The following PLPP1 variants were observed in gnomAD, a reference collection of about 807,000 sequenced individuals.
The protein encoded by PLPP1 is phospholipid phosphatase 1.
A neutral mutation model predicts 31.2 loss-of-function variants in PLPP1; 24 were observed. The observed-to-expected ratio is 0.77, with a 90% CI of 0.56 to 1.08. PLPP1 has a LOEUF of 1.08. PLPP1 is among the 50% of genes least tolerant of loss of function. The pLI is 0.00. For missense variants in PLPP1, 319 were observed against 342.7 expected (o/e 0.93, Z 0.55); for synonymous variants, 146 against 126.3 (o/e 1.16, Z -1.05).
chr5:55,427,054 A>G (rs1751217370), intron 4 of PLPP1, among the ~76,000 whole-genome samples: 1 of 150,364 alleles, frequency 6.7e-6, no homozygotes, highest in South Asian at 2.2e-4. Flanking sequence ...GGTTTTATGT[A>G]GAAATGATTC....
At chr5:55,515,060 A>C (rs1258841509) in intron 1 of PLPP1, among the ~76,000 whole-genome samples, 3 of 152,242 alleles carry the variant, frequency 2.0e-5, no homozygotes, top group African/African-American at 7.2e-5. Flanking sequence ...AAGAAATTGA[A>C]GCTCTTTAGG....
rs1422000007 is a variant in PLPP1 at position 55,531,740 on chromosome 5, C to T, written c.58+2832G>A. Among the ~76,000 whole-genome samples the T allele has an allele frequency of 3.3e-5, 5 of 152,168 alleles. No homozygotes were observed. In the East Asian group the frequency reaches 7.7e-4, roughly 23 times the overall value. On this transcript the variant is annotated intron_variant, in intron 1 of 5. Transcript: ENST00000307259. Reference sequence around the variant, plus strand: ...AATATAACAGACTCCACCAGAAAGGCGCATTTGCTATATAACACGTGTCTT... The same window carrying T: ...AATATAACAGACTCCACCAGAAAGGTGCATTTGCTATATAACACGTGTCTT...
intron 1 of PLPP1, among the ~76,000 whole-genome samples, chr5:55,523,760 C>G (rs1315753362): frequency 6.6e-6 from 1 of 152,184 alleles, no homozygotes; most frequent in Non-Finnish European, 1.5e-5. Context: ...GCCCTCAACA[C>G]CTGCTCCTCC....
chr5:55,448,451 T>TTC (rs1466619106), intron 3 of PLPP1, among the ~76,000 whole-genome samples: 2 of 148,324 alleles, frequency 1.3e-5, no homozygotes, highest in African/African-American at 5.0e-5. Context: ...TCTAGCACCT[T>TTC]TTTTTTTTTT....
At chr5:55,491,189 G>A (rs1752881219) in intron 1 of PLPP1, 1 of 1,481,312 alleles carries the variant, frequency 6.8e-7, no homozygotes, top group Non-Finnish European at 9.1e-7. Flanking sequence ...TCTACTGAAT[G>A]GGATGCAAAT....
chr5:55,485,603 CAG>C (rs1752759944), intron 1 of PLPP1, among the ~76,000 whole-genome samples: 2 of 151,330 alleles, frequency 1.3e-5, no homozygotes, highest in Admixed American at 6.6e-5. Context: ...AAAATGAAAA[CAG>C]AAAAATTTCT....
intron 4 of PLPP1, among the ~76,000 whole-genome samples, chr5:55,439,044 GC>G: frequency 6.6e-6 from 1 of 152,110 alleles, no homozygotes. Context: ...GGTTGCTCTG[GC>G]CTGCTTTCTT....
intron 4 of PLPP1, among the ~76,000 whole-genome samples, chr5:55,429,274 T>TG (rs34819274): frequency 0.79 from 120,453 of 151,718 alleles, 48,900 homozygotes; most frequent in Non-Finnish European, 0.89. Flanking sequence ...AAAGTGCCCC[T>TG]GGTACTTGCT....
chr5:55,444,755 G>GTGTGTGTGTGTGTGTGTGTGTGTGTGTC (rs1751716003), intron 3 of PLPP1, among the ~76,000 whole-genome samples: 4 of 150,672 alleles, frequency 2.7e-5, no homozygotes, highest in Admixed American at 1.3e-4. Context: ...GTGTGTGTGT[G>GTGTGTGTGTGTGTGTGTGTGTGTGTGTC]TGTGTGTGTG....
chr5:55,432,296 G>T lies in PLPP1; in HGVS notation c.550-6257C>A, dbSNP rs115943827. ...TGAACTGGAAAGCCCAGAATAAATG[G>T]ATCAATTCCTGGATACATACAATCT... On this transcript the variant is annotated intron_variant, in intron 4 of 5. Transcript: ENST00000307259. Among the ~76,000 whole-genome samples the T allele has an allele frequency of 4.0e-3, 605 of 151,964 alleles. 5 individuals are homozygous for T. The highest frequency in any genetic ancestry group is 0.014 in the African/African-American group (575 of 41,414).
intron 3 of PLPP1, among the ~76,000 whole-genome samples, chr5:55,461,336 C>A (rs930612712): frequency 1.2e-4 from 18 of 152,044 alleles, no homozygotes; most frequent in African/African-American, 4.3e-4. Flanking sequence ...AACTACAGAC[C>A]AATAACTCAT....
chr5:55,437,386 T>A (rs1751516992), intron 4 of PLPP1, among the ~76,000 whole-genome samples: 1 of 151,704 alleles, frequency 6.6e-6, no homozygotes, highest in Admixed American at 6.6e-5. Flanking sequence ...AGTAAGAACT[T>A]TTTTTTTTCC....
At chr5:55,425,441 T>C (rs1240137310) in intron 5 of PLPP1, 107 bp from the exon 6 acceptor site, 3 of 1,060,066 alleles carry the variant, frequency 2.8e-6, no homozygotes, top group Non-Finnish European at 4.0e-6. Context: ...GGATATACTT[T>C]GAGGTGTACA....
rs980742804 is a variant in PLPP1 at position 55,465,592 on chromosome 5, G to A, written c.491+2277C>T. Among the ~76,000 whole-genome samples the A allele has an allele frequency of 4.6e-5, 7 of 152,122 alleles. No individual in the cohort carries two copies. In the South Asian group the frequency reaches 1.2e-3, roughly 27 times the overall value. On this transcript the variant is annotated intron_variant, in intron 3 of 5. Coordinates refer to ENST00000307259, the MANE Select transcript of PLPP1 (RefSeq NM_003711.4). Reference sequence around the variant, plus strand: ...ATCATAATGTTTTAAGAAAGTTTACGAATTTGTGTTGGGCCGCATTCAAAG... The same window carrying A: ...ATCATAATGTTTTAAGAAAGTTTACAAATTTGTGTTGGGCCGCATTCAAAG...
At chr5:55,464,741 T>G (rs1752249548) in intron 3 of PLPP1, among the ~76,000 whole-genome samples, 1 of 152,220 alleles carries the variant, frequency 6.6e-6, no homozygotes, top group Non-Finnish European at 1.5e-5. Flanking sequence ...GTAGGATTCC[T>G]TTTATATAAT....
intron 3 of PLPP1, among the ~76,000 whole-genome samples, chr5:55,453,853 A>G (rs1204819714): frequency 6.6e-6 from 1 of 152,182 alleles, no homozygotes; most frequent in Non-Finnish European, 1.5e-5. Flanking sequence ...AGGCAGGAGA[A>G]TCGCTTGAAC....
intron 1 of PLPP1, chr5:55,530,841 G>C: frequency 8.2e-7 from 1 of 1,222,636 alleles, no homozygotes; most frequent in African/African-American, 1.5e-5. Flanking sequence ...AGACGGGGCA[G>C]TAGGATGTGG....
At chr5:55,477,815 T>C (rs992699555) in intron 1 of PLPP1, among the ~76,000 whole-genome samples, 3 of 152,050 alleles carry the variant, frequency 2.0e-5, no homozygotes, top group Non-Finnish European at 4.4e-5. Context: ...AATAGTATAT[T>C]TAGTATAGAA....
chr5:55,534,444 G>GC, intron 1 of PLPP1, 128 bp downstream of exon 1: 1 of 997,202 alleles, frequency 1.0e-6, no homozygotes, highest in Non-Finnish European at 1.4e-6. Flanking sequence ...TGCAGAAGCC[G>GC]CCCCCGTGTG....
Sources: allele counts gnomAD v4.1 joint callset (sites outside exome capture counted in the v4.1 genomes callset), GRCh38; gene constraint gnomAD v4.1.1; transcripts MANE v1.5; gene names NCBI Gene and HGNC (gene_info 2026-07-23, HGNC 2026-07-21).